The following SLC35B1 variants were observed in gnomAD, a reference collection of about 807,000 sequenced individuals.
SLC35B1 encodes the protein solute carrier family 35 member B1.
A neutral mutation model predicts 36.6 loss-of-function variants in SLC35B1; 27 were observed. That is an observed-to-expected ratio of 0.74 (90% CI 0.54 to 1.02). The LOEUF (loss-of-function observed/expected upper bound fraction) is 1.02. Among genes scored for constraint, SLC35B1 ranks in the 50% least tolerant of loss-of-function variants. The probability of loss-of-function intolerance (pLI) is 0.00; values close to 1 mark genes in which losing one functional copy is unlikely to be tolerated. For synonymous variants in SLC35B1, 162 were observed against 152.5 expected (o/e 1.06, Z -0.46); for missense variants, 321 against 383.2 (o/e 0.84, Z 1.35).
chr17:49,707,502 GA>G lies in SLC35B1; in HGVS notation c.104+227del, dbSNP rs1039804853. On this transcript the variant is annotated intron_variant, in intron 1 of 8. Coordinates refer to ENST00000240333, the MANE Select transcript of SLC35B1 (RefSeq NM_005827.4). ...ACGCAGGCCCTTAGAACCAAGCGGG[GA>G]AAAACAGCTAAGAAAAGAAAATAAC... 4.1e-6 allele frequency: 6 copies of G among 1,476,386 alleles called. No homozygotes were observed. The Admixed American group carries it at 7.6e-5, about 19-fold the overall frequency. 91.5% of individuals were successfully genotyped at this position (1,476,386 alleles called of 1,614,324 possible).
chr17:49,702,717 G>C (rs2073366331), intron 8 of SLC35B1, 141 bp downstream of exon 8: 2 of 887,288 alleles, frequency 2.3e-6, no homozygotes, highest in Non-Finnish European at 1.7e-6. Context: ...ACTCACTCCA[G>C]CCTGGGCAAC....
chr17:49,707,585 G>A, intron 1 of SLC35B1, 145 bp downstream of exon 1: 1 of 1,456,480 alleles, frequency 6.9e-7, no homozygotes, highest in South Asian at 1.4e-5. Context: ...GGTAGGCTCA[G>A]CCATAGCTGC....
At chr17:49,706,944 A>G in intron 2 of SLC35B1, 21 bp downstream of exon 2, 1 of 1,586,206 alleles carries the variant, frequency 6.3e-7, no homozygotes. Flanking sequence ...GTACCCAACA[A>G]ATTACTATCT....
At chr17:49,705,545 G>A in intron 4 of SLC35B1, 1 of 585,514 alleles carries the variant, frequency 1.7e-6, no homozygotes, top group South Asian at 2.1e-5. Flanking sequence ...AGTGGAGAAG[G>A]AAAAGAAGTT....
chr17:49,701,993 T>C, intron 8 of SLC35B1: 1 of 306,860 alleles, frequency 3.3e-6, no homozygotes, highest in Non-Finnish European at 6.6e-6. Flanking sequence ...CTCGGGAGGC[T>C]GTGGTGGGTG....
intron 8 of SLC35B1, 111 bp downstream of exon 8, chr17:49,702,747 A>T: frequency 8.2e-7 from 1 of 1,217,500 alleles, no homozygotes; most frequent in Non-Finnish European, 1.1e-6. Flanking sequence ...ACTCCGTCTC[A>T]AAAAAAAGAG....
chr17:49,704,004 C>T, intron 6 of SLC35B1, 96 bp downstream of exon 6: 1 of 1,546,190 alleles, frequency 6.5e-7, no homozygotes. Context: ...TAATTCAGGC[C>T]CTTGGTCTGG....
Position 49,701,394 on chromosome 17 carries a change from A to C in SLC35B1, c.*64T>G. Reference sequence around the variant, plus strand: ...ATATTCCTATTAAGTCCATTTTCCCAAGAGATGTCACTGTTTGAGATAATA... The same window carrying C: ...ATATTCCTATTAAGTCCATTTTCCCCAGAGATGTCACTGTTTGAGATAATA... On this transcript the variant is annotated 3_prime_UTR_variant, in exon 9 of 9. Transcript: ENST00000240333. 5 of 1,314,244 alleles carry C rather than the reference A, an allele frequency of 3.8e-6. No homozygotes were observed. Among genetic ancestry groups the C allele is most frequent in the Non-Finnish European group, 5.5e-6 (5 of 909,518 alleles). 81.4% of individuals were successfully genotyped at this position (1,314,244 alleles called of 1,614,324 possible). A position where few individuals can be genotyped will look rare whatever the true frequency, so the allele number is the denominator to read the frequency against.
intron 5 of SLC35B1, 73 bp downstream of exon 5, chr17:49,705,051 T>C (rs1360345989): frequency 1.3e-6 from 2 of 1,515,866 alleles, no homozygotes; most frequent in East Asian, 4.5e-5. Context: ...ACTGGCCTTC[T>C]ACCTGCCTAG....
At position 49,706,191 on chromosome 17, in the gene SLC35B1, C is replaced by G; in HGVS notation, c.339+13G>C. The G allele has an allele frequency of 6.3e-7, 1 of 1,595,714 alleles. No individual in the cohort carries two copies. Among genetic ancestry groups the G allele is most frequent in the Non-Finnish European group, 8.5e-7 (1 of 1,174,940 alleles). The stretch of plus-strand genomic sequence containing the variant: ...ATATCTGAGCCAACCATCATCCCAC[C>G]CTGAGGTTTCACCTGAGTTGGGTAG... On this transcript the variant is annotated intron_variant, in intron 3 of 8. Transcript: ENST00000240333.
intron 2 of SLC35B1, 94 bp downstream of exon 2, chr17:49,706,871 T>C (rs992121391): frequency 1.1e-6 from 1 of 870,804 alleles, no homozygotes; most frequent in Admixed American, 1.8e-5. Flanking sequence ...AGATCATGAG[T>C]TAGCCTTTAA....
At chr17:49,706,499 G>T in intron 2 of SLC35B1, 165 bp from the exon 3 acceptor site, 2 of 671,520 alleles carry the variant, frequency 3.0e-6, no homozygotes, top group East Asian at 3.1e-5. Context: ...CTGTTACACT[G>T]GGAAATCTCT....
At chr17:49,703,356 ACAC>A in intron 6 of SLC35B1, 62 bp from the exon 7 acceptor site, 1 of 824,670 alleles carries the variant, frequency 1.2e-6, no homozygotes. Flanking sequence ...GCGCACACAC[ACAC>A]ACACACACAC....
At chr17:49,705,367 G>A in intron 4 of SLC35B1, 86 bp from the exon 5 acceptor site, 5 of 1,317,520 alleles carry the variant, frequency 3.8e-6, no homozygotes, top group African/African-American at 1.5e-5. Context: ...ACCAAGAAAA[G>A]ACTCAGGGAG....
At position 49,703,559 on chromosome 17, in the gene SLC35B1, C is replaced by A. The variant is rs555921676; in HGVS notation, c.656-265G>T. 197 of 412,458 alleles carry A rather than the reference C, an allele frequency of 4.8e-4. 2 individuals are homozygous for A. Among genetic ancestry groups the A allele is most frequent in the South Asian group, 4.1e-3 (190 of 46,626 alleles). 25.5% of individuals were successfully genotyped at this position (412,458 alleles called of 1,614,324 possible). A position where few individuals can be genotyped will look rare whatever the true frequency, so the allele number is the denominator to read the frequency against. On this transcript the variant is annotated intron_variant, in intron 6 of 8. Transcript: ENST00000240333. ...TGAGTTACTTCTACCAAAGTGATTA[C>A]AAGCAGAAATCCTCAGATGCTGTAG... is the stretch of plus-strand genomic sequence containing the variant.
At chr17:49,701,703 T>C (rs2073352941) in intron 8 of SLC35B1, 193 bp from the exon 9 acceptor site, 1 of 550,534 alleles carries the variant, frequency 1.8e-6, no homozygotes, top group Non-Finnish European at 3.2e-6. Flanking sequence ...ATTACAGATA[T>C]CTGTATCTAT....
At position 49,703,288 on chromosome 17, in the gene SLC35B1, A is replaced by G. The variant is rs1419402286; in HGVS notation, c.662T>C (p.Leu221Pro). 2 of 1,610,222 alleles carry G rather than the reference A, an allele frequency of 1.2e-6. No homozygotes were observed. The highest frequency in any genetic ancestry group is 1.7e-6 in the Non-Finnish European group (2 of 1,176,692). ...GAACTCCCAGAGCTCCCCAGTGAAC[A>G]GGATTCCTGAGAAGACATGTCAACA... Reference protein sequence around the residue: ...WSTLLLGMGILFTGELWEFLS... With the variant: ...WSTLLLGMGIPFTGELWEFLS... The change falls in exon 7 of 9, where the codon CTG becomes CCG. Residue 221 changes from leucine (L) to proline (P), a missense_variant. By Grantham distance (98) the Leu-to-Pro change is moderately conservative. Coordinates refer to ENST00000240333, the MANE Select transcript of SLC35B1 (RefSeq NM_005827.4).
In SLC35B1 at chr17:49,702,845, T is replaced by C. The variant is rs1320551282; in HGVS notation, c.916+13A>G. ...AAATTCAGCTGTCACTGTGTCTCTGTGTGGCCACTTACCCAGGAACACAAG... is the reference window on the plus strand; with the variant it reads ...AAATTCAGCTGTCACTGTGTCTCTGCGTGGCCACTTACCCAGGAACACAAG... On this transcript the variant is annotated intron_variant, in intron 8 of 8. Coordinates refer to ENST00000240333, the MANE Select transcript of SLC35B1 (RefSeq NM_005827.4). The C allele has an allele frequency of 6.2e-7, 1 of 1,611,322 alleles. No individual in the cohort carries two copies. The highest frequency in any genetic ancestry group is 2.2e-5 in the East Asian group (1 of 44,828).
intron 5 of SLC35B1, among the ~76,000 whole-genome samples, chr17:49,704,651 C>A (rs904326619): frequency 6.6e-6 from 1 of 152,238 alleles, no homozygotes; most frequent in Non-Finnish European, 1.5e-5. Context: ...AGCGAGTTAA[C>A]TTCTCTGTGC....
Sources: gnomAD v4.1 joint callset for allele counts (sites outside exome capture counted in the v4.1 genomes callset) on GRCh38, gnomAD v4.1.1 for gene constraint, MANE v1.5 for transcripts, NCBI Gene and HGNC (gene_info 2026-07-23, HGNC 2026-07-21) for gene names.